SRC: variants seen among roughly 807,000 people sequenced by gnomAD.
SRC encodes SRC proto-oncogene, non-receptor tyrosine kinase.
Under a neutral mutation model 62.9 loss-of-function variants are expected in SRC, and 13 were observed. That is an observed-to-expected ratio of 0.21 (90% confidence interval 0.13 to 0.33). The LOEUF (loss-of-function observed/expected upper bound fraction) is 0.33. Among genes scored for constraint, SRC ranks in the 10% least tolerant of loss-of-function variants. SRC has a pLI of 1.00. For synonymous variants in SRC, 302 were observed against 317.5 expected, an observed-to-expected ratio of 0.95 and a Z score of 0.52; for missense variants, 457 against 737.3, an observed-to-expected ratio of 0.62 and a Z score of 4.40.
intron 2 of SRC, among the ~76,000 whole-genome samples, chr20:37,382,187 G>A (rs2070374560): frequency 6.6e-6 from 1 of 151,880 alleles, no homozygotes; most frequent in Non-Finnish European, 1.5e-5. Context: ...TGCCTCCCTG[G>A]TGTGTCCAGA....
At chr20:37,364,719 G>T (rs1346128523) in intron 1 of SRC, among the ~76,000 whole-genome samples, 1 of 152,106 alleles carries the variant, frequency 6.6e-6, no homozygotes, top group Non-Finnish European at 1.5e-5. Flanking sequence ...TCCTCCCTCG[G>T]CCAGCCCAGC....
chr20:37,347,577 G>A (rs1392416441), intron 1 of SRC, among the ~76,000 whole-genome samples: 2 of 152,224 alleles, frequency 1.3e-5, no homozygotes, highest in East Asian at 1.9e-4. Flanking sequence ...AAGAGGATGG[G>A]TTGGTGCCTT....
intron 2 of SRC, among the ~76,000 whole-genome samples, chr20:37,378,128 A>G (rs139578437): frequency 0.022 from 3,076 of 142,400 alleles, 106 homozygotes; most frequent in African/African-American, 0.076. Context: ...GGCAGAGTGC[A>G]TGTGTGTGTG....
chr20:37,379,062 G>A (rs1365637978), intron 2 of SRC, among the ~76,000 whole-genome samples: 1 of 152,070 alleles, frequency 6.6e-6, no homozygotes, highest in African/African-American at 2.4e-5. Context: ...GGCCACTTGG[G>A]GACCTGCTGA....
chr20:37,379,613 A>C (rs896037735), intron 2 of SRC, among the ~76,000 whole-genome samples: 1 of 151,830 alleles, frequency 6.6e-6, no homozygotes, highest in Non-Finnish European at 1.5e-5. Flanking sequence ...AATCCCAGCT[A>C]CTCAGGAGGC....
At position 37,402,248 on chromosome 20, in the gene SRC, C is replaced by T; in HGVS notation, c.1117-187C>T. On this transcript the variant is annotated intron_variant, in intron 11 of 13. Coordinates refer to ENST00000373578, the MANE Select transcript of SRC (RefSeq NM_198291.3). This position sits in a 1 kb window ranked among gnomAD's most constrained non-coding sequence, Gnocchi z 6.2. The stretch of plus-strand genomic sequence containing the variant: ...GCCCTCTGCTCTGTGCCCTGTGCTC[C>T]CTACTCCCGCAGAGCACTGCTCCTG... The T allele has an allele frequency of 1.5e-6, 1 of 649,340 alleles. No homozygotes were observed. The highest frequency in any genetic ancestry group is 2.6e-6 in the Non-Finnish European group (1 of 387,512). The allele number at this position is 649,340 out of a possible 1,614,324, so 40.2% of individuals were successfully genotyped here. A position where few individuals can be genotyped will look rare whatever the true frequency, so the allele number is the denominator to read the frequency against.
At chr20:37,360,720 C>G (rs1008315539) in intron 1 of SRC, among the ~76,000 whole-genome samples, 9 of 152,188 alleles carry the variant, frequency 5.9e-5, no homozygotes, top group Non-Finnish European at 1.2e-4. Flanking sequence ...AGGTGCTCAA[C>G]AAAGAATAGC....
chr20:37,373,168 A>T (rs1268475088), intron 2 of SRC, among the ~76,000 whole-genome samples: 1 of 151,792 alleles, frequency 6.6e-6, no homozygotes, highest in African/African-American at 2.4e-5. Context: ...ACACACATAT[A>T]TGTACACACA....
At chr20:37,400,077 G>T (rs371679057) in intron 9 of SRC, 38 bp from the exon 10 acceptor site, 273 of 1,548,188 alleles carry the variant, frequency 1.8e-4, no homozygotes, top group Non-Finnish European at 2.3e-4. Context: ...TAGGAGTTGG[G>T]GGGCTCCACT....
chr20:37,372,210 T>TCGCTTAGGCTAGTCTTGAA (rs1568627283), intron 2 of SRC, among the ~76,000 whole-genome samples: 15 of 151,712 alleles, frequency 9.9e-5, no homozygotes, highest in African/African-American at 3.6e-4. Context: ...GATTTCACCA[T>TCGCTTAGGCTAGTCTTGAA]CTCCTGAGCT....
Position 37,366,753 on chromosome 20 carries a change from A to G in SRC, c.-173+1476A>G, listed in dbSNP as rs188924353. Among the ~76,000 whole-genome samples, 5 of 152,312 alleles carry G rather than the reference A, an allele frequency of 3.3e-5. No homozygotes were observed. In the East Asian group the frequency reaches 7.7e-4, roughly 23 times the overall value. On this transcript the variant is annotated intron_variant, in intron 2 of 13. Transcript: ENST00000373578. ...AAATAATATTCTATCATATGGATAT[A>G]CCATATTTTATTTATCCATTCATCA... is the stretch of plus-strand genomic sequence containing the variant.
At chr20:37,386,377 C>G in intron 5 of SRC, 1 of 720,814 alleles carries the variant, frequency 1.4e-6, no homozygotes, top group Non-Finnish European at 2.6e-6. Context: ...TGGGGAACTC[C>G]TCCCAATCCC....
chr20:37,376,204 T>C lies in SRC; in HGVS notation c.-172-6415T>C, dbSNP rs184545001. Among the ~76,000 whole-genome samples, 175 of 152,350 alleles carry C rather than the reference T, an allele frequency of 1.1e-3. 1 individual carries two copies. Among genetic ancestry groups the C allele is most frequent in the African/African-American group, 4.2e-3 (174 of 41,584 alleles). On this transcript the variant is annotated intron_variant, in intron 2 of 13. Coordinates refer to ENST00000373578, the MANE Select transcript of SRC (RefSeq NM_198291.3). ...CACCAGACAACACCCCTCAGGACCA[T>C]GCACAGGGCATGGCACATGTAGTAG... is the stretch of plus-strand genomic sequence containing the variant.
intron 1 of SRC, among the ~76,000 whole-genome samples, chr20:37,346,478 C>A (rs2146870630): frequency 7.0e-6 from 1 of 143,778 alleles, no homozygotes; most frequent in South Asian, 2.4e-4. Context: ...GGGGAGGGGG[C>A]TGGGCGGGGG....
intron 4 of SRC, 128 bp from the exon 5 acceptor site, chr20:37,385,943 CCTGA>C (rs2070448852): frequency 1.4e-6 from 1 of 725,478 alleles, no homozygotes; most frequent in African/African-American, 1.7e-5. Flanking sequence ...CTTCACTGAA[CCTGA>C]CTGTGTCTTT....
At chr20:37,353,397 G>A (rs375090673) in intron 1 of SRC, among the ~76,000 whole-genome samples, 7 of 152,098 alleles carry the variant, frequency 4.6e-5, no homozygotes, top group South Asian at 2.1e-4. Context: ...CTGAGGTCAC[G>A]CAGCCCTGAA....
chr20:37,360,018 G>T (rs2069942983), intron 1 of SRC, among the ~76,000 whole-genome samples: 1 of 151,816 alleles, frequency 6.6e-6, no homozygotes, highest in South Asian at 2.1e-4. Flanking sequence ...ACTACCCATG[G>T]CCAGTCCTGC....
In SRC at chr20:37,401,610, C is replaced by T; in HGVS notation, c.1048C>T (p.Leu350=). Residue 350 remains leucine (L), a synonymous_variant, in exon 11 of 14, where the codon CTG becomes TTG. Coordinates refer to ENST00000373578, the MANE Select transcript of SRC (RefSeq NM_198291.3). ...GGTCTCTCTCTGCCCAGGGAGTTTGCTGGACTTTCTCAAGGGGGAGACAGG... is the reference window on the plus strand; with the variant it reads ...GGTCTCTCTCTGCCCAGGGAGTTTGTTGGACTTTCTCAAGGGGGAGACAGG... ...VTEYMSKGSL[L]DFLKGETGKY... is the part of the protein sequence containing the mutation. 2 of 1,610,888 alleles carry T rather than the reference C, an allele frequency of 1.2e-6. No homozygotes were observed. The highest frequency in any genetic ancestry group is 1.7e-6 in the Non-Finnish European group (2 of 1,178,612).
rs1429267420 is a variant in SRC, at chr20:37,403,223, C to T, written c.1455C>T (p.Pro485=). 6.3e-7 allele frequency: 1 copy of T among 1,575,026 alleles called. No individual in the cohort carries two copies. Among genetic ancestry groups the T allele is most frequent in the Non-Finnish European group, 8.6e-7 (1 of 1,162,862 alleles). The change falls in exon 14 of 14, where the codon CCC becomes CCT. Residue 485 remains proline, a synonymous_variant. Transcript: ENST00000373578. This position sits in a 1 kb window ranked among gnomAD's most constrained non-coding sequence, Gnocchi z 7.1. ...LDQVERGYRM[P]CPPECPESLH... is the part of the protein sequence containing the mutation. ...AGGTGGAGCGGGGCTACCGGATGCC[C>T]TGCCCGCCGGAGTGTCCCGAGTCCC...
Sources: allele counts gnomAD v4.1 joint callset (sites outside exome capture counted in the v4.1 genomes callset), GRCh38; gene constraint gnomAD v4.1.1; non-coding constraint Gnocchi (gnomAD v3.1); transcripts MANE v1.5; gene names NCBI Gene and HGNC (gene_info 2026-07-23, HGNC 2026-07-21).